Variants in PALD1 observed in about 807,000 individuals in gnomAD.
PALD1 encodes phosphatase domain containing paladin 1.
Under a neutral mutation model 96.0 loss-of-function variants are expected in PALD1, and 57 were observed. That is an observed-to-expected ratio of 0.59 (90% CI 0.48 to 0.74). PALD1 has a LOEUF of 0.74. Ranked by LOEUF, PALD1 falls within the 30% of genes least tolerant of loss-of-function variation. The pLI, the probability that PALD1 is intolerant of heterozygous loss-of-function variation, is 0.00. For synonymous variants in PALD1, 464 were observed against 473.6 expected (o/e 0.98, Z 0.26); for missense variants, 1,063 against 1,143.7 (o/e 0.93, Z 1.02).
At chr10:70,562,018 G>T (rs954123365) in intron 18 of PALD1, among the ~76,000 whole-genome samples, 2 of 152,262 alleles carry the variant, frequency 1.3e-5, no homozygotes, top group Non-Finnish European at 2.9e-5. Context: ...GATGGGCACG[G>T]TGTAGTGGTC....
intron 1 of PALD1, among the ~76,000 whole-genome samples, chr10:70,522,443 G>A (rs895225503): frequency 1.3e-5 from 2 of 152,154 alleles, no homozygotes; most frequent in South Asian, 2.1e-4. Flanking sequence ...GCAGGGGACC[G>A]GGGGCACACG....
intron 1 of PALD1, among the ~76,000 whole-genome samples, chr10:70,487,130 A>ATTCT (rs1554853640): frequency 9.1e-6 from 1 of 110,424 alleles, no homozygotes; most frequent in Non-Finnish European, 1.8e-5. Context: ...TCTGAGCCCA[A>ATTCT]TTTTTTTTTT....
At chr10:70,497,123 G>T (rs7085619) in intron 1 of PALD1, among the ~76,000 whole-genome samples, 21,029 of 152,286 alleles carry the variant, frequency 0.14, 2,272 homozygotes, top group East Asian at 0.59. Context: ...ACTGCAGTTT[G>T]CCCTACGTGG....
At chr10:70,515,247 G>C (rs1377544611) in intron 1 of PALD1, among the ~76,000 whole-genome samples, 1 of 152,234 alleles carries the variant, frequency 6.6e-6, no homozygotes, top group East Asian at 1.9e-4. Flanking sequence ...GCTGACTCAG[G>C]CTGGGCACCT....
chr10:70,488,706 G>T (rs1327668037), intron 1 of PALD1, among the ~76,000 whole-genome samples: 1 of 152,212 alleles, frequency 6.6e-6, no homozygotes, highest in South Asian at 2.1e-4. Flanking sequence ...CTGAGCACAT[G>T]CCCTGAGCTG....
chr10:70,526,097 A>G lies in PALD1; in HGVS notation c.146A>G (p.Lys49Arg). ...QSTSLHNSKA[K>R]SIIPNKVAPV... Reference sequence around the variant, plus strand: ...ACTAGCTTGCATAACAGCAAGGCCAAGTCCATCATCCCCAACAAGGTGGCC... The same window carrying G: ...ACTAGCTTGCATAACAGCAAGGCCAGGTCCATCATCCCCAACAAGGTGGCC... The change falls in exon 2 of 20, where the codon AAG (lysine) becomes AGG (arginine). Residue 49 changes from lysine to arginine, a missense_variant. Coordinates refer to ENST00000263563, the MANE Select transcript of PALD1 (RefSeq NM_014431.3). 1 of 1,614,244 alleles carries G rather than the reference A, an allele frequency of 6.2e-7. No homozygotes were observed. The highest frequency in any genetic ancestry group is 8.5e-7 in the Non-Finnish European group (1 of 1,180,034).
At position 70,534,432 on chromosome 10, in the gene PALD1, C is replaced by G; in HGVS notation, c.1030C>G (p.Pro344Ala). Residue 344 changes from proline (P) to alanine (A), a missense_variant, in exon 9 of 20, where the codon CCC (proline) becomes GCC (alanine). Coordinates refer to ENST00000263563, the MANE Select transcript of PALD1 (RefSeq NM_014431.3). ...CTGACCCTGCCTCGACAGGGCTGCC[C>G]CCACGCAGGCCAAGCCCCTGCCTAT... is the stretch of plus-strand genomic sequence containing the variant. ...SGTTSQPEAA[P>A]TQAKPLPMEQ... is the part of the protein sequence containing the mutation. The G allele has an allele frequency of 1.9e-6, 3 of 1,608,908 alleles. No homozygotes were observed. The highest frequency in any genetic ancestry group is 2.2e-5 in the South Asian group (2 of 89,880).
At position 70,567,789 on chromosome 10, in the gene PALD1, C is replaced by G. The variant is rs1243052038; in HGVS notation, c.*1056C>G. On this transcript the variant is annotated 3_prime_UTR_variant, in exon 20 of 20. Transcript: ENST00000263563. The stretch of plus-strand genomic sequence containing the variant: ...CCAGACCCTGCTGAGTTAGAGGCTG[C>G]TGGGATCCACTGTTTCCACACAGCG... 1 of 152,496 alleles carries G rather than the reference C, an allele frequency of 6.6e-6. No individual in the cohort carries two copies. Among genetic ancestry groups the G allele is most frequent in the African/African-American group, 2.4e-5 (1 of 41,458 alleles). The allele number at this position is 152,496 out of a possible 1,614,324, so 9.4% of individuals were successfully genotyped here. A position where few individuals can be genotyped will look rare whatever the true frequency, so the allele number is the denominator to read the frequency against.
chr10:70,506,317 C>T (rs1846389422), intron 1 of PALD1, among the ~76,000 whole-genome samples: 1 of 152,236 alleles, frequency 6.6e-6, no homozygotes, highest in Admixed American at 6.5e-5. Flanking sequence ...GTTTCACCCC[C>T]TTCATGGCTT....
rs761367866 is a variant in PALD1 at position 70,531,446 on chromosome 10, C to G, written c.625C>G (p.Arg209Gly). 5.6e-6 allele frequency: 9 copies of G among 1,613,250 alleles called. 1 individual carries two copies. The South Asian group carries it at 9.9e-5, about 18-fold the overall frequency. Residue 209 changes from arginine (R) to glycine (G), a missense_variant, in exon 5 of 20, where the codon CGG becomes GGG. By Grantham distance (125) the Arg-to-Gly change is moderately radical. Coordinates refer to ENST00000263563, the MANE Select transcript of PALD1 (RefSeq NM_014431.3). ...VRVESLELAI[R>G]KEIHDFAQLS... ...GGTGGAGAGCCTGGAGCTGGCCATC[C>G]GGAAAGAGGTGAGGACCAGTGCGGT...
In PALD1 at chr10:70,547,220, G is replaced by A. The variant is rs1391076803; in HGVS notation, c.2122-86G>A. On this transcript the variant is annotated intron_variant, in intron 17 of 19. Transcript: ENST00000263563. ...GCGCCTGGGCCTTAGGCCTGGTGTG[G>A]CCTTTTGGTGAGGGTGCAAGCCTGG... is the stretch of plus-strand genomic sequence containing the variant. 3.2e-6 allele frequency: 4 copies of A among 1,257,610 alleles called. No individual in the cohort carries two copies. In the African/African-American group the frequency reaches 4.4e-5, roughly 14 times the overall value. 77.9% of individuals were successfully genotyped at this position (1,257,610 alleles called of 1,614,324 possible). A position where few individuals can be genotyped will look rare whatever the true frequency, so the allele number is the denominator to read the frequency against.
intron 1 of PALD1, among the ~76,000 whole-genome samples, chr10:70,497,775 C>T (rs921976330): frequency 6.6e-6 from 1 of 151,998 alleles, no homozygotes; most frequent in African/African-American, 2.4e-5. Context: ...CAGCGTTTTA[C>T]CATGTTAACC....
chr10:70,530,054 A>G lies in PALD1; in HGVS notation c.454A>G (p.Lys152Glu), dbSNP rs765648109. 7.2e-6 allele frequency: 11 copies of G among 1,534,640 alleles called. No individual in the cohort carries two copies. The highest frequency in any genetic ancestry group is 2.1e-5 in the Admixed American group (1 of 48,142). ...CAGGCGGGTCCTCCAGAAACTCCAG[A>G]AGGACGGACATAGGGTAAGTATGCC... Reference protein sequence around the residue: ...GFRRVLQKLQKDGHRECVIFC... With the variant: ...GFRRVLQKLQEDGHRECVIFC... The change falls in exon 4 of 20, where the codon AAG (lysine) becomes GAG (glutamate). Residue 152 changes from lysine (K) to glutamate (E), a missense_variant. Coordinates refer to ENST00000263563, the MANE Select transcript of PALD1 (RefSeq NM_014431.3).
chr10:70,512,745 C>T (rs547641424), intron 1 of PALD1, among the ~76,000 whole-genome samples: 2 of 152,364 alleles, frequency 1.3e-5, no homozygotes, highest in Non-Finnish European at 2.9e-5. Context: ...ACTGGGAGCA[C>T]TGTCTCCTTG....
At chr10:70,486,982 C>A (rs1204724727) in intron 1 of PALD1, among the ~76,000 whole-genome samples, 1 of 151,992 alleles carries the variant, frequency 6.6e-6, no homozygotes, top group Non-Finnish European at 1.5e-5. Flanking sequence ...AGAGAAGGGC[C>A]CTCCCTAGAG....
At chr10:70,538,471 C>T in intron 12 of PALD1, 63 bp downstream of exon 12, 3 of 1,528,568 alleles carry the variant, frequency 2.0e-6, no homozygotes, top group South Asian at 2.3e-5. Flanking sequence ...CCCCTAAACA[C>T]TGGATTCCTG....
chr10:70,564,641 C>T (rs1050260382), intron 19 of PALD1, 122 bp downstream of exon 19: 5 of 878,610 alleles, frequency 5.7e-6, no homozygotes, highest in Non-Finnish European at 8.8e-6. Context: ...GAAGAGCCCC[C>T]ATCCCCCTTT....
At chr10:70,560,320 G>T (rs192145601) in intron 18 of PALD1, among the ~76,000 whole-genome samples, 10 of 152,148 alleles carry the variant, frequency 6.6e-5, no homozygotes, top group African/African-American at 1.4e-4. Context: ...GTGGCCAAGT[G>T]GGGGAGGGTG....
rs374875190 is a variant in PALD1 at position 70,524,387 on chromosome 10, C to T, written c.-29-1536C>T. Among the ~76,000 whole-genome samples, 36 of 152,298 alleles carry T rather than the reference C, an allele frequency of 2.4e-4. 1 individual carries two copies. The South Asian group carries it at 7.3e-3, about 31-fold the overall frequency. ...TCCCAGCCCCCTCCCTTCTCTGCAG[C>T]TCTGGCTCTCGGACCCCTGAGCCAC... On this transcript the variant is annotated intron_variant, in intron 1 of 19. Coordinates refer to ENST00000263563, the MANE Select transcript of PALD1 (RefSeq NM_014431.3).
Sources: gnomAD v4.1 joint callset for allele counts (sites outside exome capture counted in the v4.1 genomes callset) on GRCh38, gnomAD v4.1.1 for gene constraint, MANE v1.5 for transcripts, NCBI Gene and HGNC (gene_info 2026-07-23, HGNC 2026-07-21) for gene names.